The following ZNF492 variants were observed in gnomAD, a reference collection of about 807,000 sequenced individuals.
ZNF492 encodes the protein zinc finger protein 115 (Y20).
A neutral mutation model predicts 6.4 loss-of-function variants in ZNF492; 3 were observed. The observed-to-expected ratio is 0.47, with a 90% confidence interval of 0.21 to 1.22. The LOEUF (loss-of-function observed/expected upper bound fraction) is 1.22. Among genes scored for constraint, ZNF492 ranks in the 50% most tolerant of loss-of-function variants. ZNF492 has a pLI of 0.22. For missense variants in ZNF492, 356 were observed against 612.5 expected (o/e 0.58, Z 4.42); for synonymous variants, 112 against 205.3 (o/e 0.55, Z 3.89).
chr19:22,663,135 T>C (rs1204197309), intron 3 of ZNF492, among the ~76,000 whole-genome samples: 2 of 152,080 alleles, frequency 1.3e-5, no homozygotes, highest in Admixed American at 1.3e-4. Flanking sequence ...AGGGATCCAG[T>C]TTCAGCTTTC....
chr19:22,639,819 T>A (rs2145242727), intron 1 of ZNF492, among the ~76,000 whole-genome samples: 1 of 151,826 alleles, frequency 6.6e-6, no homozygotes, highest in African/African-American at 2.4e-5. Context: ...TTGACTTCCT[T>A]TCTTCCTGTT....
At chr19:22,652,738 C>G (rs1462931379) in intron 1 of ZNF492, among the ~76,000 whole-genome samples, 1 of 151,994 alleles carries the variant, frequency 6.6e-6, no homozygotes, top group African/African-American at 2.4e-5. Context: ...CGCCTCCACG[C>G]CCGGCTAATT....
chr19:22,635,516 AAT>A (rs1295771746), intron 1 of ZNF492, among the ~76,000 whole-genome samples: 1 of 152,244 alleles, frequency 6.6e-6, no homozygotes, highest in Admixed American at 6.5e-5. Flanking sequence ...TCTGTTTGTA[AAT>A]ATTTCCCATG....
chr19:22,653,846 C>G (rs561633652), intron 2 of ZNF492, 74 bp from the exon 3 acceptor site: 6 of 1,460,506 alleles, frequency 4.1e-6, no homozygotes, highest in South Asian at 3.0e-5. Flanking sequence ...CTATTACATC[C>G]TTTTTTCTGA....
At chr19:22,646,765 T>C (rs866441406) in intron 1 of ZNF492, among the ~76,000 whole-genome samples, 2 of 152,214 alleles carry the variant, frequency 1.3e-5, no homozygotes, top group South Asian at 2.1e-4. Context: ...TCTGCATCTA[T>C]TGAGATAATC....
chr19:22,658,501 T>A (rs1273059561), intron 3 of ZNF492, among the ~76,000 whole-genome samples: 6 of 145,940 alleles, frequency 4.1e-5, no homozygotes, highest in African/African-American at 1.6e-4. Flanking sequence ...ATTAAACAAC[T>A]ACCAATTTTT....
Position 22,653,436 on chromosome 19 carries a change from G to T in ZNF492, c.34+3G>T, listed in dbSNP as rs760943630. On this transcript the variant is annotated splice_donor_region_variant and intron_variant, in intron 2 of 3. Coordinates refer to ENST00000456783, the MANE Select transcript of ZNF492 (RefSeq NM_020855.3). ...CTACAGAAACCTGGTCTTCGTGGGT[G>T]AGGATAACTTCAATATACAATTCCC... 8 of 1,613,410 alleles carry T rather than the reference G, an allele frequency of 5.0e-6. No individual in the cohort carries two copies. The African/African-American group carries it at 1.1e-4, about 22-fold the overall frequency.
chr19:22,649,623 TTCTTGTTC>T (rs1393518729), intron 1 of ZNF492, among the ~76,000 whole-genome samples: 2 of 144,838 alleles, frequency 1.4e-5, no homozygotes, highest in Non-Finnish European at 3.1e-5. Context: ...GCTTTGTTCA[TTCTTGTTC>T]ATTCTTGTTC....
At chr19:22,651,476 C>G (rs1049784393) in intron 1 of ZNF492, among the ~76,000 whole-genome samples, 2 of 152,122 alleles carry the variant, frequency 1.3e-5, no homozygotes, top group African/African-American at 2.4e-5. Flanking sequence ...TACTTTTCTA[C>G]TTGTGCTTTT....
rs760041910 is a variant in ZNF492, at chr19:22,655,813, G to GTTTTTT, written c.130+1800_130+1801insTTTTTT. Among the ~76,000 whole-genome samples the GTTTTTT allele has an allele frequency of 2.5e-4, 16 of 64,892 alleles. 3 individuals are homozygous for GTTTTTT. Among genetic ancestry groups the GTTTTTT allele is most frequent in the African/African-American group, 9.3e-4 (12 of 12,892 alleles). The allele number at this position is 64,892 out of a possible 152,430, so 42.6% of individuals were successfully genotyped here. A position where few individuals can be genotyped will look rare whatever the true frequency, so the allele number is the denominator to read the frequency against. On this transcript the variant is annotated intron_variant, in intron 3 of 3. Transcript: ENST00000456783. ...GCAAACACCTCTTCAAGTTTTTCTT[G>GTTTTTT]TTGTTTTTTTTTTTTTTTTTTTTTT...
chr19:22,663,745 A>G, intron 3 of ZNF492, 55 bp from the exon 4 acceptor site: 2 of 1,418,746 alleles, frequency 1.4e-6, no homozygotes, highest in Non-Finnish European at 9.2e-7. Context: ...AGATTTGTAA[A>G]GTACATTCGT....
At chr19:22,634,542 G>A (rs1040601344) in intron 1 of ZNF492, 68 bp downstream of exon 1, 12 of 1,323,392 alleles carry the variant, frequency 9.1e-6, no homozygotes, top group East Asian at 7.7e-5. Flanking sequence ...GCAAGAGGCT[G>A]TGGCGGGACT....
rs769654082 is a variant in ZNF492 at position 22,664,937 on chromosome 19, G to A, written c.1268G>A (p.Cys423Tyr). 1.2e-6 allele frequency: 2 copies of A among 1,609,808 alleles called. No individual in the cohort carries two copies. The highest frequency in any genetic ancestry group is 2.7e-5 in the African/African-American group (2 of 73,872). The change falls in exon 4 of 4, where the codon TGT (cysteine) becomes TAT (tyrosine). Residue 423 changes from cysteine (C) to tyrosine (Y), a missense_variant. This residue lies in a region of ZNF492 where 21 missense variants were observed against 55.3 expected (regional missense o/e 0.38). Coordinates refer to ENST00000456783, the MANE Select transcript of ZNF492 (RefSeq NM_020855.3). ...IIHTGEKPYKCEECGKAFNQS... is the reference protein window; with the variant it reads ...IIHTGEKPYKYEECGKAFNQS... ...CATACTGGAGAGAAACCCTACAAAT[G>A]TGAAGAATGTGGCAAAGCTTTTAAC...
At chr19:22,640,560 TTTG>T (rs530902281) in intron 1 of ZNF492, among the ~76,000 whole-genome samples, 103 of 152,356 alleles carry the variant, frequency 6.8e-4, no homozygotes, top group African/African-American at 2.5e-3. Context: ...TTGCCAATAT[TTTG>T]TTGAGAATTT....
At position 22,653,963 on chromosome 19, in the gene ZNF492, A is replaced by C; in HGVS notation, c.78A>C (p.Gln26His). Residue 26 changes from glutamine to histidine, a missense_variant, in exon 3 of 4, where the codon CAA (glutamine) becomes CAC (histidine). Transcript: ENST00000456783. ...SKPDLITCLE[Q>H]GKEPWNVKRH... is the part of the protein sequence containing the mutation. ...CAGACCTGATCACCTGTCTGGAGCAAGGAAAAGAACCTTGGAATGTGAAGA... is the reference window on the plus strand; with the variant it reads ...CAGACCTGATCACCTGTCTGGAGCACGGAAAAGAACCTTGGAATGTGAAGA... 1.3e-6 allele frequency: 2 copies of C among 1,597,448 alleles called. No homozygotes were observed. The highest frequency in any genetic ancestry group is 8.5e-7 in the Non-Finnish European group (1 of 1,176,110).
At chr19:22,641,027 G>C (rs1971820917) in intron 1 of ZNF492, among the ~76,000 whole-genome samples, 1 of 151,652 alleles carries the variant, frequency 6.6e-6, no homozygotes, top group Admixed American at 6.6e-5. Flanking sequence ...AATGGTGGTT[G>C]GTTTTATTTT....
Position 22,665,450 on chromosome 19 carries a change from TAAA to T in ZNF492, c.*189_*191del, listed in dbSNP as rs1972115002. On this transcript the variant is annotated 3_prime_UTR_variant, in exon 4 of 4. Transcript: ENST00000456783. ...AACAAATGTACAAATATAAAGAAAG[TAAA>T]AAAGTGATTAATATCTGTGCACATC... 1 of 1,247,416 alleles carries T rather than the reference TAAA, an allele frequency of 8.0e-7. No individual in the cohort carries two copies. Among genetic ancestry groups the T allele is most frequent in the Admixed American group, 3.1e-5 (1 of 32,608 alleles). The allele number at this position is 1,247,416 out of a possible 1,614,324, so 77.3% of individuals were successfully genotyped here.
Position 22,663,798 on chromosome 19 carries a change from A to G in ZNF492, c.131-2A>G. ...GTAATTTATTATTTTTATTTCTTTCAGTTGTATGTTCTTATTTTGCCCGAG... is the reference window on the plus strand; with the variant it reads ...GTAATTTATTATTTTTATTTCTTTCGGTTGTATGTTCTTATTTTGCCCGAG... On this transcript the variant is annotated splice_acceptor_variant, in intron 3 of 3. Transcript: ENST00000456783. LOFTEE classifies it high-confidence loss of function. 3 of 1,495,332 alleles carry G rather than the reference A, an allele frequency of 2.0e-6. No individual in the cohort carries two copies. The highest frequency in any genetic ancestry group is 2.7e-6 in the Non-Finnish European group (3 of 1,126,148). The allele number at this position is 1,495,332 out of a possible 1,614,324, so 92.6% of individuals were successfully genotyped here. A position where few individuals can be genotyped will look rare whatever the true frequency, so the allele number is the denominator to read the frequency against.
Position 22,653,564 on chromosome 19 carries a change from T to C in ZNF492, c.34+131T>C, listed in dbSNP as rs983162519. The C allele has an allele frequency of 8.9e-6, 10 of 1,124,680 alleles. No homozygotes were observed. In the East Asian group the frequency reaches 2.5e-4, roughly 28 times the overall value. The allele number at this position is 1,124,680 out of a possible 1,614,324, so 69.7% of individuals were successfully genotyped here. A position where few individuals can be genotyped will look rare whatever the true frequency, so the allele number is the denominator to read the frequency against. ...TGTTTTTAACTTCAAGATTTGTCTATGTAGAAAAGAATTTCAAGATGTTTC... is the reference window on the plus strand; with the variant it reads ...TGTTTTTAACTTCAAGATTTGTCTACGTAGAAAAGAATTTCAAGATGTTTC... On this transcript the variant is annotated intron_variant, in intron 2 of 3. Transcript: ENST00000456783.
Sources: gnomAD v4.1 joint callset for allele counts (sites outside exome capture counted in the v4.1 genomes callset) on GRCh38, gnomAD v4.1.1 for gene constraint, gnomAD v4.1.1 regional missense constraint, MANE v1.5 for transcripts, NCBI Gene and HGNC (gene_info 2026-07-23, HGNC 2026-07-21) for gene names.